The following NEBL variants were observed in gnomAD, a reference collection of about 807,000 sequenced individuals.
The protein encoded by NEBL is LIM and SH3 protein 2.
A neutral mutation model predicts 140.2 loss-of-function variants in NEBL; 122 were observed. The observed-to-expected ratio is 0.87, with a 90% CI of 0.75 to 1.01. The LOEUF (loss-of-function observed/expected upper bound fraction) is 1.01. Ranked by LOEUF, NEBL falls within the 50% of genes least tolerant of loss-of-function variation. The probability of loss-of-function intolerance (pLI) is 0.00; values close to 1 mark genes in which losing one functional copy is unlikely to be tolerated. For missense variants in NEBL, 1,365 were observed against 1,231.3 expected, an observed-to-expected ratio of 1.11 and a Z score of -1.62; for synonymous variants, 436 against 398.9, an observed-to-expected ratio of 1.09 and a Z score of -1.11.
chr10:21,036,993 G>C (rs1834041267), intron 2 of NEBL, among the ~76,000 whole-genome samples: 1 of 152,094 alleles, frequency 6.6e-6, no homozygotes. Context: ...CACCGTAGCT[G>C]TTCCCACCTG....
At chr10:20,788,311 A>G (rs1215052866) in intron 26 of NEBL, among the ~76,000 whole-genome samples, 1 of 152,142 alleles carries the variant, frequency 6.6e-6, no homozygotes. Flanking sequence ...TAAAATATAT[A>G]ATAGTTTGCC....
At chr10:21,274,254 T>C (rs1294348114) in intron 1 of NEBL, among the ~76,000 whole-genome samples, 1 of 152,184 alleles carries the variant, frequency 6.6e-6, no homozygotes, top group African/African-American at 2.4e-5. Context: ...GCAGGAGTTA[T>C]GGGTGATGGC....
At chr10:20,910,260 G>A (rs556217755) in intron 4 of NEBL, among the ~76,000 whole-genome samples, 143 of 152,284 alleles carry the variant, frequency 9.4e-4, no homozygotes, top group African/African-American at 3.2e-3. Flanking sequence ...TTTTATATAT[G>A]TTATCATGGC....
intron 26 of NEBL, among the ~76,000 whole-genome samples, chr10:20,801,938 T>A (rs1837163300): frequency 6.6e-6 from 1 of 152,140 alleles, no homozygotes; most frequent in Non-Finnish European, 1.5e-5. Flanking sequence ...CCCATAAGAC[T>A]CTCTCACAGC....
In NEBL at chr10:21,029,448, G is replaced by T; in HGVS notation, c.165-9247C>A. The T allele has an allele frequency of 2.5e-6, 4 of 1,611,534 alleles. No individual in the cohort carries two copies. The Admixed American group carries it at 6.7e-5, about 27-fold the overall frequency. ...CTGAATTTGAGGACCTGGATTCCCT[G>T]CTCAGTGCCCTGAGTCTCAATTAAG... On this transcript the variant is annotated intron_variant, in intron 2 of 6. Coordinates refer to the NEBL transcript ENST00000417816.
chr10:21,158,206 AAT>A (rs1380816356), intron 2 of NEBL, among the ~76,000 whole-genome samples: 1 of 152,212 alleles, frequency 6.6e-6, no homozygotes, highest in African/African-American at 2.4e-5. Context: ...TTTTGCCAGG[AAT>A]TAATGTCACA....
At chr10:21,228,565 G>T (rs1028967954) in intron 3 of NEBL, among the ~76,000 whole-genome samples, 2 of 152,066 alleles carry the variant, frequency 1.3e-5, no homozygotes, top group Admixed American at 6.6e-5. Context: ...GACAGGTAAA[G>T]AACAGGTACA....
chr10:20,911,917 C>T (rs1289978482), intron 4 of NEBL, among the ~76,000 whole-genome samples: 1 of 152,168 alleles, frequency 6.6e-6, no homozygotes, highest in East Asian at 1.9e-4. Flanking sequence ...TTTATCATAG[C>T]ATTCAGTCTG....
chr10:20,918,620 G>C (rs1833425988), intron 4 of NEBL, among the ~76,000 whole-genome samples: 1 of 152,030 alleles, frequency 6.6e-6, no homozygotes, highest in Non-Finnish European at 1.5e-5. Context: ...GGAGGCCGAC[G>C]GGGGCAGATC....
chr10:21,247,588 T>C (rs1320861009), intron 3 of NEBL, among the ~76,000 whole-genome samples: 1 of 152,138 alleles, frequency 6.6e-6, no homozygotes, highest in Non-Finnish European at 1.5e-5. Context: ...GTCTGCTTCA[T>C]CCTCTACTGA....
chr10:20,915,975 C>T (rs1420119861), intron 4 of NEBL, among the ~76,000 whole-genome samples: 3 of 152,204 alleles, frequency 2.0e-5, no homozygotes, highest in Non-Finnish European at 4.4e-5. Context: ...TTGTCATAAC[C>T]TTATCACTTA....
chr10:20,963,050 A>T (rs1836131422), intron 3 of NEBL, among the ~76,000 whole-genome samples: 2 of 151,174 alleles, frequency 1.3e-5, no homozygotes. Flanking sequence ...ACACACACGG[A>T]AATCTAGATA....
Position 20,859,765 on chromosome 10 carries a change from A to G in NEBL, c.746T>C (p.Leu249Pro). 6.2e-7 allele frequency: 1 copy of G among 1,605,224 alleles called. No individual in the cohort carries two copies. The highest frequency in any genetic ancestry group is 8.5e-7 in the Non-Finnish European group (1 of 1,172,750). The change falls in exon 8 of 28, where the codon CTT (leucine) becomes CCT (proline). Residue 249 changes from leucine (L) to proline (P), a missense_variant. This residue lies in a region of NEBL where 1,323 missense variants were observed against 1,154.8 expected (regional missense o/e 1.15). Coordinates refer to ENST00000377122, the MANE Select transcript of NEBL (RefSeq NM_006393.3). ...MKDKKHHYNPLESASFRQNQL... is the reference protein window; with the variant it reads ...MKDKKHHYNPPESASFRQNQL... ...ATTCTGCCTAAAAGAAGCACTTTCA[A>G]GAGGATTGTAATGATGTTTCTTATC...
chr10:21,221,994 G>A (rs977952348), intron 3 of NEBL, among the ~76,000 whole-genome samples: 1 of 151,850 alleles, frequency 6.6e-6, no homozygotes, highest in Non-Finnish European at 1.5e-5. Context: ...GAGCAAGCCC[G>A]TTCTCTTTGG....
At chr10:21,276,214 T>C (rs921231737) in intron 1 of NEBL, among the ~76,000 whole-genome samples, 5 of 151,708 alleles carry the variant, frequency 3.3e-5, no homozygotes, top group African/African-American at 1.2e-4. Context: ...TCTAGTGATC[T>C]GCCCACCATA....
At chr10:21,253,688 T>C (rs1463457549) in intron 1 of NEBL, among the ~76,000 whole-genome samples, 1 of 151,846 alleles carries the variant, frequency 6.6e-6, no homozygotes, top group Non-Finnish European at 1.5e-5. Flanking sequence ...GGATTACAGG[T>C]GCCTGCTACC....
Position 20,883,861 on chromosome 10 carries a change from CACTTTAGAATTAAGATTACATCAAATTAG to C in NEBL, c.370-2986_370-2958del, listed in dbSNP as rs574945284. Among the ~76,000 whole-genome samples the C allele has an allele frequency of 3.6e-3, 543 of 152,298 alleles. 1 individual carries two copies. Among genetic ancestry groups the C allele is most frequent in the African/African-American group, 0.013 (524 of 41,560 alleles). On this transcript the variant is annotated intron_variant, in intron 4 of 27. Transcript: ENST00000377122. ...TTCATTTACAGCCGCTACTAAGTAC[CACTTTAGAATTAAGATTACATCAAATTAG>C]AGGGAGCTGAACTTTAATTTATCAT... is the stretch of plus-strand genomic sequence containing the variant.
At position 20,835,560 on chromosome 10, in the gene NEBL, T is replaced by TGTC; in HGVS notation, c.1399_1401dup (p.Asp467dup). Reference sequence around the variant, plus strand: ...TTCTTGGCATGCTGCATTTCAAGGGTGTCAGTGCCAGCTTGCATTCCTTTC... The same window carrying TGTC: ...TTCTTGGCATGCTGCATTTCAAGGGTGTCGTCAGTGCCAGCTTGCATTCCTTTC... On this transcript the variant is annotated inframe_insertion, in exon 14 of 28. Transcript: ENST00000377122. 6.2e-7 allele frequency: 1 copy of TGTC among 1,612,902 alleles called. No homozygotes were observed. The highest frequency in any genetic ancestry group is 1.3e-5 in the African/African-American group (1 of 75,046).
chr10:20,904,645 C>T (rs1190243766), intron 4 of NEBL, among the ~76,000 whole-genome samples: 1 of 152,022 alleles, frequency 6.6e-6, no homozygotes, highest in Non-Finnish European at 1.5e-5. Context: ...CACATGTGTG[C>T]TTGTACATAT....
Sources: gnomAD v4.1 joint callset for allele counts (sites outside exome capture counted in the v4.1 genomes callset) on GRCh38, gnomAD v4.1.1 for gene constraint, gnomAD v4.1.1 regional missense constraint, MANE v1.5 for transcripts, NCBI Gene and HGNC (gene_info 2026-07-23, HGNC 2026-07-21) for gene names.